Variants in UBA7 observed in about 807,000 individuals in gnomAD.
UBA7 encodes ubiquitin-like modifier-activating enzyme 7.
UBA7 carries 88 observed loss-of-function variants against 113.0 expected under a neutral mutation model. That is an observed-to-expected ratio of 0.78 (90% CI 0.66 to 0.93). The LOEUF is 0.93. UBA7 is among the 40% of genes least tolerant of loss of function. The pLI is 0.00. For synonymous variants in UBA7, 459 were observed against 513.0 expected (o/e 0.89, Z 1.42); for missense variants, 1,092 against 1,266.4 (o/e 0.86, Z 2.09).
Position 49,813,093 on chromosome 3 carries a change from A to G in UBA7, c.436T>C (p.Phe146Leu). ...GTLCHKHGVC[F>L]LAADTRGLVG... Reference sequence around the variant, plus strand: ...AGGCCCCGGGTGTCAGCCGCCAGAAAGCAAACTCCATGCTTATGACACAAG... The same window carrying G: ...AGGCCCCGGGTGTCAGCCGCCAGAAGGCAAACTCCATGCTTATGACACAAG... The change falls in exon 4 of 24, where the codon TTT becomes CTT. Residue 146 changes from phenylalanine (F) to leucine (L), a missense_variant. By Grantham distance (22) the Phe-to-Leu change is conservative. Around this residue, in one of 3 missense-constraint regions of UBA7, gnomAD observed 584 missense variants for 714.5 expected, o/e 0.82. Transcript: ENST00000333486. 6.2e-7 allele frequency: 1 copy of G among 1,614,032 alleles called. No individual in the cohort carries two copies. The highest frequency in any genetic ancestry group is 8.5e-7 in the Non-Finnish European group (1 of 1,180,002).
Position 49,812,727 on chromosome 3 carries a change from C to T in UBA7, c.479G>A (p.Cys160Tyr). 1 of 1,614,186 alleles carries T rather than the reference C, an allele frequency of 6.2e-7. No homozygotes were observed. Among genetic ancestry groups the T allele is most frequent in the Non-Finnish European group, 8.5e-7 (1 of 1,180,036 alleles). ...DTRGLVGQLF[C>Y]DFGEDFTVQD... ...CACAGTGAAGTCCTCACCAAAGTCA[C>T]AGAACAACTGCCTGAGATGGGGTGG... is the stretch of plus-strand genomic sequence containing the variant. Residue 160 changes from cysteine to tyrosine, a missense_variant, in exon 5 of 24, where the codon TGT becomes TAT. Coordinates refer to ENST00000333486, the MANE Select transcript of UBA7 (RefSeq NM_003335.3).
chr3:49,805,541 AG>A, intron 23 of UBA7, 104 bp from the exon 24 acceptor site: 1 of 1,069,144 alleles, frequency 9.4e-7, no homozygotes, highest in South Asian at 1.3e-5. Context: ...CAGGAGCCCA[AG>A]CCAGGAGCAG....
At position 49,813,261 on chromosome 3, in the gene UBA7, C is replaced by A. The variant is rs1410124657; in HGVS notation, c.348G>T (p.Leu116=). ...VHTGDITEDL[L]LDFQVVVLTA... is the part of the protein sequence containing the mutation. The stretch of plus-strand genomic sequence containing the variant: ...GGCCTGAGCTGACCTGGAAGTCCAA[C>A]AGCAGGTCCTCAGTGATGTCACCCG... Residue 116 remains leucine (L), a synonymous_variant, in exon 3 of 24, where the codon CTG becomes CTT. Coordinates refer to ENST00000333486, the MANE Select transcript of UBA7 (RefSeq NM_003335.3). The A allele has an allele frequency of 6.2e-7, 1 of 1,614,128 alleles. No homozygotes were observed. Among genetic ancestry groups the A allele is most frequent in the South Asian group, 1.1e-5 (1 of 91,076 alleles).
Position 49,811,255 on chromosome 3 carries a change from AC to A in UBA7, c.1122+17del. Reference sequence around the variant, plus strand: ...TCCACATCTTCCCAGTACCCCCCACACCTATGCCTCTGCCCACCTTCAGCAC... The same window carrying A: ...TCCACATCTTCCCAGTACCCCCCACACTATGCCTCTGCCCACCTTCAGCAC... On this transcript the variant is annotated intron_variant, in intron 9 of 23. Coordinates refer to ENST00000333486, the MANE Select transcript of UBA7 (RefSeq NM_003335.3). 6.2e-7 allele frequency: 1 copy of A among 1,613,198 alleles called. No homozygotes were observed. Among genetic ancestry groups the A allele is most frequent in the Non-Finnish European group, 8.5e-7 (1 of 1,179,780 alleles).
intron 21 of UBA7, 120 bp from the exon 22 acceptor site, chr3:49,806,285 G>T (rs2081450815): frequency 1.2e-6 from 1 of 865,300 alleles, no homozygotes; most frequent in Admixed American, 2.5e-5. Flanking sequence ...CCAGGGGGTG[G>T]GGGGTGGGGG....
chr3:49,810,742 C>G lies in UBA7; in HGVS notation c.1311+10G>C. On this transcript the variant is annotated intron_variant, in intron 11 of 23. Coordinates refer to ENST00000333486, the MANE Select transcript of UBA7 (RefSeq NM_003335.3). This position sits in a 1 kb window ranked among gnomAD's most constrained non-coding sequence, Gnocchi z 5.6. ...CCCAAAGGCACCCCCAGTCTCACCC[C>G]ACAGCTCACCAGGAGGTAGTGCTGG... The G allele has an allele frequency of 6.2e-7, 1 of 1,614,142 alleles. No homozygotes were observed. Among genetic ancestry groups the G allele is most frequent in the Non-Finnish European group, 8.5e-7 (1 of 1,180,010 alleles).
Position 49,810,277 on chromosome 3 carries a change from T to G in UBA7, c.1619A>C (p.Asp540Ala). The G allele has an allele frequency of 6.2e-7, 1 of 1,613,850 alleles. No individual in the cohort carries two copies. The highest frequency in any genetic ancestry group is 1.1e-5 in the South Asian group (1 of 91,076). Residue 540 changes from aspartate (D) to alanine (A), a missense_variant, in exon 13 of 24, where the codon GAC becomes GCC. Around this residue, in one of 3 missense-constraint regions of UBA7, gnomAD observed 584 missense variants for 714.5 expected, o/e 0.82. Transcript: ENST00000333486. The surrounding 1 kb of genome is among the most constrained non-coding windows in gnomAD (Gnocchi z 5.6). ...CAAGCACTCACGGGCCTGGAAACTG[T>G]CCAGGGCAGCAGCCACACCATCCAC... ...SRVDGVAAAL[D>A]SFQARRYVAA...
chr3:49,809,729 C>A lies in UBA7; in HGVS notation c.1905-4G>T. 1.2e-6 allele frequency: 2 copies of A among 1,614,086 alleles called. No homozygotes were observed. The highest frequency in any genetic ancestry group is 1.7e-6 in the Non-Finnish European group (2 of 1,180,038). On this transcript the variant is annotated splice_polypyrimidine_tract_variant and splice_region_variant and intron_variant, in intron 15 of 23. Transcript: ENST00000333486. Reference sequence around the variant, plus strand: ...GTCTGCCAGGGAAGTGTGTGCCCTGCAGAGAGAGGAGGAAGTGTGAGACTG... The same window carrying A: ...GTCTGCCAGGGAAGTGTGTGCCCTGAAGAGAGAGGAGGAAGTGTGAGACTG...
Position 49,805,304 on chromosome 3 carries a change from C to T in UBA7, c.*4G>A. ...TTGAGCTAGGTGACAGGGTGGCTGC[C>T]TTGTCACAGCTCATAGTGCAGAGGT... On this transcript the variant is annotated 3_prime_UTR_variant, in exon 24 of 24. Transcript: ENST00000333486. 6.2e-7 allele frequency: 1 copy of T among 1,613,564 alleles called. No homozygotes were observed. Among genetic ancestry groups the T allele is most frequent in the South Asian group, 1.1e-5 (1 of 91,052 alleles).
chr3:49,812,317 A>AGGGAGCAAACCCTCCCTTTCTCCTT, intron 6 of UBA7, 91 bp downstream of exon 6: 2 of 1,610,142 alleles, frequency 1.2e-6, no homozygotes, highest in Non-Finnish European at 1.7e-6. Context: ...TAGAAGGTGG[A>AGGGAGCAAACCCTCCCTTTCTCCTT]GGGAGAAAAA....
intron 8 of UBA7, 174 bp from the exon 9 acceptor site, chr3:49,811,629 C>A: frequency 3.5e-6 from 4 of 1,131,764 alleles, no homozygotes; most frequent in South Asian, 3.2e-5. Flanking sequence ...TGCCCAGTAC[C>A]AGACAGCAGT....
Position 49,807,995 on chromosome 3 carries a change from C to T in UBA7, c.2523+25G>A, listed in dbSNP as rs1380721007. ...CCAGGGTTTGCCCTCCACCTCCAGG[C>T]CCAAGCCTCAAGGGGTGGGGTTACC... On this transcript the variant is annotated intron_variant, in intron 20 of 23. Coordinates refer to ENST00000333486, the MANE Select transcript of UBA7 (RefSeq NM_003335.3). This position sits in a 1 kb window ranked among gnomAD's most constrained non-coding sequence, Gnocchi z 4.0. The T allele has an allele frequency of 1.1e-5, 17 of 1,613,972 alleles. No homozygotes were observed. The highest frequency in any genetic ancestry group is 1.4e-5 in the Non-Finnish European group (16 of 1,179,990).
chr3:49,813,414 A>G (rs1307916357), intron 2 of UBA7, 31 bp from the exon 3 acceptor site: 1 of 1,610,344 alleles, frequency 6.2e-7, no homozygotes, highest in South Asian at 1.1e-5. Context: ...GCCTGAGCAA[A>G]GACACTCCTC....
At position 49,809,868 on chromosome 3, in the gene UBA7, A is replaced by C. The variant is rs1395637443; in HGVS notation, c.1851T>G (p.His617Gln). 2.5e-6 allele frequency: 4 copies of C among 1,614,174 alleles called. No homozygotes were observed. The African/African-American group carries it at 5.3e-5, about 22-fold the overall frequency. Residue 617 changes from histidine to glutamine, a missense_variant, in exon 15 of 24, where the codon CAT (histidine) becomes CAG (glutamine). Coordinates refer to ENST00000333486, the MANE Select transcript of UBA7 (RefSeq NM_003335.3). Reference sequence around the variant, plus strand: ...ACAGTCGGAAGAGTTCTTCAAACTCATGCCGGGCCCACTGTGGAGGAGGGA... The same window carrying C: ...ACAGTCGGAAGAGTTCTTCAAACTCCTGCCGGGCCCACTGTGGAGGAGGGA... ...TAEHTLQWAR[H>Q]EFEELFRLSA...
At chr3:49,808,921 G>A in intron 18 of UBA7, 55 bp downstream of exon 18, 1 of 1,580,648 alleles carries the variant, frequency 6.3e-7, no homozygotes, top group Non-Finnish European at 8.6e-7. Context: ...GCTGAGGACA[G>A]GACAGGTTCA....
chr3:49,805,565 A>G, intron 23 of UBA7, 128 bp from the exon 24 acceptor site: 1 of 852,770 alleles, frequency 1.2e-6, no homozygotes, highest in Non-Finnish European at 1.9e-6. Context: ...GCTGCTCAAG[A>G]CAGGAAACAT....
chr3:49,806,284 G>C (rs1213277538), intron 21 of UBA7, 119 bp from the exon 22 acceptor site: 1 of 858,994 alleles, frequency 1.2e-6, no homozygotes, highest in African/African-American at 1.7e-5. Flanking sequence ...GCCAGGGGGT[G>C]GGGGGTGGGG....
chr3:49,806,373 G>A (rs929371623), intron 21 of UBA7: 1 of 597,690 alleles, frequency 1.7e-6, no homozygotes, highest in Non-Finnish European at 3.0e-6. Context: ...GGGCTATGGG[G>A]CCCGCACAGG....
At position 49,811,093 on chromosome 3, in the gene UBA7, T is replaced by G; in HGVS notation, c.1123-2A>C. On this transcript the variant is annotated splice_acceptor_variant, in intron 9 of 23. Coordinates refer to ENST00000333486, the MANE Select transcript of UBA7 (RefSeq NM_003335.3). LOFTEE classifies it high-confidence loss of function. ...AGGCATGAACTTCCTGGAGATTGCC[T>G]AGGGGCAGCACTTCAGGCTGGGCAC... The G allele has an allele frequency of 6.2e-7, 1 of 1,613,778 alleles. No homozygotes were observed. Among genetic ancestry groups the G allele is most frequent in the South Asian group, 1.1e-5 (1 of 91,072 alleles).
Sources: gnomAD v4.1 joint callset for allele counts on GRCh38, gnomAD v4.1.1 for gene constraint, gnomAD v4.1.1 regional missense constraint, Gnocchi (gnomAD v3.1) non-coding constraint, MANE v1.5 for transcripts, NCBI Gene and HGNC (gene_info 2026-07-23, HGNC 2026-07-21) for gene names.